The following EREG variants were observed in gnomAD, a reference collection of about 807,000 sequenced individuals.
EREG encodes the protein epiregulin.
A neutral mutation model predicts 22.4 loss-of-function variants in EREG; 23 were observed. The observed-to-expected ratio is 1.03, with a 90% CI of 0.74 to 1.46. The LOEUF is 1.46. Ranked by LOEUF, EREG falls within the 40% of genes most tolerant of loss-of-function variation. EREG has a pLI of 0.00. For synonymous variants in EREG, 100 were observed against 75.4 expected, an observed-to-expected ratio of 1.33 and a Z score of -1.69; for missense variants, 226 against 205.9, an observed-to-expected ratio of 1.10 and a Z score of -0.60.
chr4:74,375,253 C>T (rs1281087136), intron 1 of EREG, among the ~76,000 whole-genome samples: 1 of 148,442 alleles, frequency 6.7e-6, no homozygotes, highest in Non-Finnish European at 1.5e-5. Flanking sequence ...TATATGCATG[C>T]TTTAGCATTT....
At chr4:74,376,585 T>C (rs1490846361) in intron 1 of EREG, among the ~76,000 whole-genome samples, 1 of 152,258 alleles carries the variant, frequency 6.6e-6, no homozygotes, top group East Asian at 1.9e-4. Context: ...CAATGAAATC[T>C]AGGCTTTAGC....
At chr4:74,376,283 A>C (rs1032723096) in intron 1 of EREG, among the ~76,000 whole-genome samples, 2 of 152,072 alleles carry the variant, frequency 1.3e-5, no homozygotes, top group Non-Finnish European at 2.9e-5. Flanking sequence ...TCAAATGTGC[A>C]TTTTTTTCCC....
chr4:74,367,691 T>G (rs2110382556), intron 1 of EREG, among the ~76,000 whole-genome samples: 1 of 152,322 alleles, frequency 6.6e-6, no homozygotes, highest in Non-Finnish European at 1.5e-5. Context: ...TCATTTCTGT[T>G]GACTCTGAGA....
rs1752601685 is a variant in EREG at position 74,388,083 on chromosome 4, T to TTAAA, written c.*3275_*3276insTAAA. 1.3e-5 allele frequency: 2 copies of TTAAA among 152,218 alleles called. No homozygotes were observed. Among genetic ancestry groups the TTAAA allele is most frequent in the Admixed American group, 1.3e-4 (2 of 15,284 alleles). The allele number at this position is 152,218 out of a possible 1,614,324, so 9.4% of individuals were successfully genotyped here. A position where few individuals can be genotyped will look rare whatever the true frequency, so the allele number is the denominator to read the frequency against. On this transcript the variant is annotated 3_prime_UTR_variant, in exon 5 of 5. Coordinates refer to ENST00000244869, the MANE Select transcript of EREG (RefSeq NM_001432.3). Reference sequence around the variant, plus strand: ...ATTTTTATTTATGAGTCTTTGAGACTAAATTCAATCACCACCAGGTATCAA... The same window carrying TTAAA: ...ATTTTTATTTATGAGTCTTTGAGACTTAAAAAATTCAATCACCACCAGGTATCAA...
chr4:74,373,835 T>C (rs951572481), intron 1 of EREG, among the ~76,000 whole-genome samples: 6 of 152,036 alleles, frequency 3.9e-5, no homozygotes, highest in African/African-American at 1.2e-4. Context: ...TTTCAGTATC[T>C]GATGTGATAA....
intron 1 of EREG, among the ~76,000 whole-genome samples, chr4:74,365,584 G>C (rs910817853): frequency 9.2e-5 from 14 of 151,864 alleles, no homozygotes; most frequent in African/African-American, 2.9e-4. Context: ...GCTTTTTATT[G>C]GTGAATTAAT....
At chr4:74,377,972 A>G (rs1187694723) in intron 1 of EREG, among the ~76,000 whole-genome samples, 1 of 152,220 alleles carries the variant, frequency 6.6e-6, no homozygotes. Flanking sequence ...TCACTGGTAC[A>G]TAGTACATGT....
At chr4:74,374,166 G>C (rs575946973) in intron 1 of EREG, among the ~76,000 whole-genome samples, 1 of 152,298 alleles carries the variant, frequency 6.6e-6, no homozygotes, top group Admixed American at 6.5e-5. Context: ...AGCCTAAAAG[G>C]TTAAACTGGG....
Position 74,381,046 on chromosome 4 carries a change from G to T in EREG, c.187G>T (p.Val63Leu), listed in dbSNP as rs756509590. 6.2e-7 allele frequency: 1 copy of T among 1,613,788 alleles called. No individual in the cohort carries two copies. Among genetic ancestry groups the T allele is most frequent in the Non-Finnish European group, 8.5e-7 (1 of 1,179,834 alleles). The change falls in exon 3 of 5, where the codon GTG (valine) becomes TTG (leucine). Residue 63 changes from valine to leucine, a missense_variant. Coordinates refer to ENST00000244869, the MANE Select transcript of EREG (RefSeq NM_001432.3). Reference sequence around the variant, plus strand: ...AGAAGACAATCCACGTGTGGCTCAAGTGTCAATAACAAAGTGTAGCTCTGA... The same window carrying T: ...AGAAGACAATCCACGTGTGGCTCAATTGTCAATAACAAAGTGTAGCTCTGA... ...QTEDNPRVAQ[V>L]SITKCSSDMN...
At position 74,386,203 on chromosome 4, in the gene EREG, T is replaced by G. The variant is rs1473474714; in HGVS notation, c.*1395T>G. 4 of 177,882 alleles carry G rather than the reference T, an allele frequency of 2.2e-5. No individual in the cohort carries two copies. The highest frequency in any genetic ancestry group is 9.4e-5 in the African/African-American group (4 of 42,774). 11.0% of individuals were successfully genotyped at this position (177,882 alleles called of 1,614,324 possible). The stretch of plus-strand genomic sequence containing the variant: ...GCTCCTTCATCGAATGCTAAACCTT[T>G]GAGTAGAGTCTCCCTGGATCACATA... On this transcript the variant is annotated 3_prime_UTR_variant, in exon 5 of 5. Coordinates refer to ENST00000244869, the MANE Select transcript of EREG (RefSeq NM_001432.3).
At chr4:74,365,913 G>A (rs1278926262) in intron 1 of EREG, among the ~76,000 whole-genome samples, 1 of 152,132 alleles carries the variant, frequency 6.6e-6, no homozygotes, top group Non-Finnish European at 1.5e-5. Context: ...CCAGACACAA[G>A]AGAAATAAAA....
chr4:74,365,363 C>G lies in EREG; in HGVS notation c.55C>G (p.Leu19Val). 6.2e-7 allele frequency: 1 copy of G among 1,611,556 alleles called. No individual in the cohort carries two copies. Among genetic ancestry groups the G allele is most frequent in the Non-Finnish European group, 8.5e-7 (1 of 1,179,964 alleles). The change falls in exon 1 of 5, where the codon CTG (leucine) becomes GTG (valine). Residue 19 changes from leucine to valine, a missense_variant. Coordinates refer to ENST00000244869, the MANE Select transcript of EREG (RefSeq NM_001432.3). ...MLCAGRVPAL[L>V]LCLGFHLLQA... ...CTGTGCCGGCAGGGTCCCTGCGCTG[C>G]TGCTCTGCCTGGGTAAGTTCTCCCC... is the stretch of plus-strand genomic sequence containing the variant.
intron 3 of EREG, 53 bp from the exon 4 acceptor site, chr4:74,382,592 C>G (rs569854045): frequency 2.8e-6 from 4 of 1,436,414 alleles, no homozygotes. Context: ...AATTCATAAC[C>G]ATGATTTCCT....
chr4:74,365,486 C>G (rs1006015154), intron 1 of EREG, 111 bp downstream of exon 1: 8 of 629,010 alleles, frequency 1.3e-5, no homozygotes, highest in Non-Finnish European at 1.8e-5. Flanking sequence ...TTCAAGTGTG[C>G]TCTATTTAAA....
chr4:74,376,291 C>T (rs1294480118), intron 1 of EREG, among the ~76,000 whole-genome samples: 2 of 151,874 alleles, frequency 1.3e-5, no homozygotes, highest in Non-Finnish European at 2.9e-5. Flanking sequence ...GCATTTTTTT[C>T]CCCCTGGCTA....
In EREG at chr4:74,385,056, C is replaced by T; in HGVS notation, c.*248C>T. 1 of 355,906 alleles carries T rather than the reference C, an allele frequency of 2.8e-6. No homozygotes were observed. The allele number at this position is 355,906 out of a possible 1,614,324, so 22.0% of individuals were successfully genotyped here. ...TACAAGTAATTTCCTGAGCTAAATG[C>T]TTCATTGAAAGCTTCAAAGTTTATA... is the stretch of plus-strand genomic sequence containing the variant. On this transcript the variant is annotated 3_prime_UTR_variant, in exon 5 of 5. Transcript: ENST00000244869.
chr4:74,371,479 C>T lies in EREG; in HGVS notation c.67+6104C>T, dbSNP rs375383632. Among the ~76,000 whole-genome samples, 197 of 152,282 alleles carry T rather than the reference C, an allele frequency of 1.3e-3. 6 individuals are homozygous for T. In the South Asian group the frequency reaches 0.04, roughly 31 times the overall value. On this transcript the variant is annotated intron_variant, in intron 1 of 4. Transcript: ENST00000244869. ...CTTTTACAACTCTACTCTCTTAGCTCTCAGCAAACTTAATTTTCTTTTTTC... is the reference window on the plus strand; with the variant it reads ...CTTTTACAACTCTACTCTCTTAGCTTTCAGCAAACTTAATTTTCTTTTTTC...
Position 74,388,493 on chromosome 4 carries a change from T to C in EREG, c.*3685T>C, listed in dbSNP as rs1371501797. On this transcript the variant is annotated 3_prime_UTR_variant, in exon 5 of 5. Coordinates refer to ENST00000244869, the MANE Select transcript of EREG (RefSeq NM_001432.3). ...TTTGAAGAGCCATTTTGGTAAACGG[T>C]TTTTATTAAAGATGCTATGGAACAT... 6.6e-6 allele frequency: 1 copy of C among 152,620 alleles called. No homozygotes were observed. Among genetic ancestry groups the C allele is most frequent in the East Asian group, 1.9e-4 (1 of 5,206 alleles). 9.5% of individuals were successfully genotyped at this position (152,620 alleles called of 1,614,324 possible). A position where few individuals can be genotyped will look rare whatever the true frequency, so the allele number is the denominator to read the frequency against.
chr4:74,369,596 A>G (rs935711086), intron 1 of EREG, among the ~76,000 whole-genome samples: 1 of 152,186 alleles, frequency 6.6e-6, no homozygotes, highest in African/African-American at 2.4e-5. Context: ...TCAGAAAGAA[A>G]AGTATTAAAC....
Sources: allele counts gnomAD v4.1 joint callset (sites outside exome capture counted in the v4.1 genomes callset), GRCh38; gene constraint gnomAD v4.1.1; transcripts MANE v1.5; gene names NCBI Gene and HGNC (gene_info 2026-07-23, HGNC 2026-07-21).